Variants in ZNF329 observed in about 807,000 individuals in gnomAD.
The protein encoded by ZNF329 is zinc finger protein 329.
A neutral mutation model predicts 26.6 loss-of-function variants in ZNF329; 15 were observed. That is an observed-to-expected ratio of 0.56 (90% CI 0.38 to 0.87). ZNF329 has a LOEUF of 0.87. Among genes scored for constraint, ZNF329 ranks in the 40% least tolerant of loss-of-function variants. The pLI is 0.00. For synonymous variants in ZNF329, 239 were observed against 233.5 expected (o/e 1.02, Z -0.21); for missense variants, 651 against 651.9 (o/e 1.00, Z 0.02).
At chr19:58,142,074 TAAA>T (rs1261472882) in intron 3 of ZNF329, among the ~76,000 whole-genome samples, 1 of 151,648 alleles carries the variant, frequency 6.6e-6, no homozygotes, top group African/African-American at 2.4e-5. Flanking sequence ...TAAAATAAAA[TAAA>T]AAAAGACCCA....
intron 1 of ZNF329, among the ~76,000 whole-genome samples, chr19:58,144,691 GA>G (rs2075267097): frequency 1.5e-5 from 2 of 137,610 alleles, no homozygotes; most frequent in Non-Finnish European, 1.6e-5. Flanking sequence ...GCCCAGCCAA[GA>G]ATTTTTTTTT....
intron 1 of ZNF329, among the ~76,000 whole-genome samples, chr19:58,147,001 C>T (rs2075327312): frequency 1.3e-5 from 2 of 152,142 alleles, no homozygotes; most frequent in Admixed American, 1.3e-4. Flanking sequence ...AGCATCTCTG[C>T]CTGGCCGCCC....
chr19:58,135,630 A>C (rs948920082), intron 3 of ZNF329, among the ~76,000 whole-genome samples: 3 of 152,212 alleles, frequency 2.0e-5, no homozygotes, highest in African/African-American at 7.2e-5. Context: ...AGAGTTATGC[A>C]GGACAGAATG....
Position 58,129,058 on chromosome 19 carries a change from T to C in ZNF329, c.446A>G (p.Tyr149Cys). ...RNPVREKPYK[Y>C]PESVKSFNHF... ...ATTAAAAGACTTAACACTTTCAGGG[T>C]ATTTGTAGGGCTTCTCTCTCACTGG... is the stretch of plus-strand genomic sequence containing the variant. The change falls in exon 4 of 4, where the codon TAC (tyrosine) becomes TGC (cysteine). Residue 149 changes from tyrosine (Y) to cysteine (C), a missense_variant. Tyr to Cys is a radical substitution (Grantham distance 194). Coordinates refer to ENST00000598312, the MANE Select transcript of ZNF329 (RefSeq NM_024620.4). The C allele has an allele frequency of 1.9e-6, 3 of 1,613,876 alleles. No individual in the cohort carries two copies. In the South Asian group the frequency reaches 3.3e-5, roughly 18 times the overall value.
chr19:58,130,890 G>A (rs1463431180), intron 3 of ZNF329, among the ~76,000 whole-genome samples: 1 of 152,114 alleles, frequency 6.6e-6, no homozygotes, highest in East Asian at 1.9e-4. Context: ...CATTCAGGCT[G>A]AAGTGCAGTG....
intron 3 of ZNF329, among the ~76,000 whole-genome samples, chr19:58,133,434 A>G (rs1212488256): frequency 2.0e-5 from 3 of 151,930 alleles, no homozygotes. Context: ...AAAGATACAA[A>G]AATTAGCAGG....
intron 1 of ZNF329, among the ~76,000 whole-genome samples, chr19:58,149,596 G>C (rs1416163130): frequency 2.0e-5 from 3 of 152,142 alleles, no homozygotes; most frequent in Admixed American, 6.5e-5. Flanking sequence ...TGGGTGAAGA[G>C]AGAGGTAAAC....
chr19:58,145,031 A>T (rs2075276141), intron 1 of ZNF329, among the ~76,000 whole-genome samples: 1 of 151,094 alleles, frequency 6.6e-6, no homozygotes, highest in Admixed American at 6.6e-5. Flanking sequence ...TTGTATTTTT[A>T]GTACAGACGG....
At chr19:58,140,874 A>ATTTTTTTTTTTTT (rs34583536) in intron 3 of ZNF329, among the ~76,000 whole-genome samples, 4 of 133,938 alleles carry the variant, frequency 3.0e-5, no homozygotes, top group African/African-American at 1.1e-4. Flanking sequence ...ATCACACATA[A>ATTTTTTTTTTTTT]TTTTTTTTTT....
At chr19:58,140,847 G>A (rs907186752) in intron 3 of ZNF329, among the ~76,000 whole-genome samples, 6 of 150,520 alleles carry the variant, frequency 4.0e-5, no homozygotes, top group African/African-American at 1.5e-4. Flanking sequence ...GAGTAGCTGG[G>A]ACCACAGTTG....
At chr19:58,133,058 C>T (rs1178679274) in intron 3 of ZNF329, among the ~76,000 whole-genome samples, 5 of 152,220 alleles carry the variant, frequency 3.3e-5, no homozygotes, top group East Asian at 3.9e-4. Flanking sequence ...GTGATCCGCC[C>T]GCCTCAGCCT....
At chr19:58,140,538 G>A (rs192780612) in intron 3 of ZNF329, among the ~76,000 whole-genome samples, 6,784 of 150,846 alleles carry the variant, frequency 0.045, 498 homozygotes, top group African/African-American at 0.16. Flanking sequence ...TCAGCCTCCC[G>A]AGTAGCTGGG....
intron 1 of ZNF329, 100 bp from the exon 2 acceptor site, chr19:58,143,298 GT>G (rs1183520834): frequency 7.0e-6 from 1 of 142,338 alleles, no homozygotes; most frequent in Non-Finnish European, 1.6e-5. Context: ...GGGCATTTGA[GT>G]AAGAGAGGAG....
chr19:58,144,380 C>G (rs537601499), intron 1 of ZNF329, among the ~76,000 whole-genome samples: 49 of 66,770 alleles, frequency 7.3e-4, no homozygotes, highest in Middle Eastern at 0.01. Flanking sequence ...ATCTATCTAT[C>G]TATATATATA....
At chr19:58,138,979 A>G in intron 3 of ZNF329, among the ~76,000 whole-genome samples, 1 of 152,338 alleles carries the variant, frequency 6.6e-6, no homozygotes. Flanking sequence ...GAAAAAAGAA[A>G]AAAAGAAAAT....
At chr19:58,146,510 G>T (rs1400417881) in intron 1 of ZNF329, among the ~76,000 whole-genome samples, 1 of 79,062 alleles carries the variant, frequency 1.3e-5, no homozygotes, top group Non-Finnish European at 2.6e-5. Flanking sequence ...GTCAAGAGAG[G>T]AAGGTAGTCC....
At chr19:58,139,482 C>T (rs1005526747) in intron 3 of ZNF329, among the ~76,000 whole-genome samples, 4 of 152,138 alleles carry the variant, frequency 2.6e-5, no homozygotes, top group Admixed American at 6.5e-5. Flanking sequence ...TGGTGAGGGT[C>T]CTCTTCCTGG....
At chr19:58,142,224 G>A (rs1404071533) in intron 3 of ZNF329, among the ~76,000 whole-genome samples, 2 of 152,182 alleles carry the variant, frequency 1.3e-5, no homozygotes, top group African/African-American at 4.8e-5. Flanking sequence ...CTAGGGCTGG[G>A]AAAGATGGGG....
chr19:58,148,296 CT>C (rs2075371560), intron 1 of ZNF329, among the ~76,000 whole-genome samples: 1 of 149,660 alleles, frequency 6.7e-6, no homozygotes, highest in Non-Finnish European at 1.5e-5. Context: ...AACCAGAGAC[CT>C]TTGTTCACTT....
Sources: allele counts gnomAD v4.1 joint callset (sites outside exome capture counted in the v4.1 genomes callset), GRCh38; gene constraint gnomAD v4.1.1; transcripts MANE v1.5; gene names NCBI Gene and HGNC (gene_info 2026-07-23, HGNC 2026-07-21).